The following ZCWPW2 variants were observed in gnomAD, a reference collection of about 807,000 sequenced individuals.
ZCWPW2 encodes zinc finger CW-type and PWWP domain containing 2.
ZCWPW2 carries 45 observed loss-of-function variants against 46.6 expected under a neutral mutation model. The observed-to-expected ratio is 0.96, with a 90% CI of 0.76 to 1.24. ZCWPW2 has a LOEUF of 1.24. Among genes scored for constraint, ZCWPW2 ranks in the 50% most tolerant of loss-of-function variants. ZCWPW2 has a pLI of 0.00. For synonymous variants in ZCWPW2, 152 were observed against 137.1 expected (o/e 1.11, Z -0.76); for missense variants, 429 against 403.9 (o/e 1.06, Z -0.53).
chr3:28,422,291 CAA>C (rs1262506135), intron 3 of ZCWPW2, among the ~76,000 whole-genome samples: 2 of 151,984 alleles, frequency 1.3e-5, no homozygotes, highest in Non-Finnish European at 2.9e-5. Context: ...TGAATTTTGA[CAA>C]ATGTATAATG....
chr3:28,402,071 A>G (rs1695965817), intron 2 of ZCWPW2, among the ~76,000 whole-genome samples: 1 of 151,920 alleles, frequency 6.6e-6, no homozygotes, highest in Non-Finnish European at 1.5e-5. Flanking sequence ...AACCAAGATC[A>G]GAGCAGAACT....
chr3:28,520,281 C>T (rs1700689092), intron 8 of ZCWPW2, among the ~76,000 whole-genome samples: 1 of 152,020 alleles, frequency 6.6e-6, no homozygotes, highest in South Asian at 2.1e-4. Flanking sequence ...GGATTACAGG[C>T]GTAAGCATGT....
intron 6 of ZCWPW2, among the ~76,000 whole-genome samples, chr3:28,509,506 T>A (rs1373648976): frequency 1.3e-5 from 2 of 152,134 alleles, no homozygotes; most frequent in African/African-American, 2.4e-5. Flanking sequence ...GTCTATTTTT[T>A]AAAAAAATAT....
At chr3:28,367,622 T>G (rs1705170388) in intron 1 of ZCWPW2, among the ~76,000 whole-genome samples, 1 of 152,206 alleles carries the variant, frequency 6.6e-6, no homozygotes, top group African/African-American at 2.4e-5. Flanking sequence ...GTATATTCTG[T>G]TGATTTGGGG....
chr3:28,448,775 ACT>A (rs1698101233), intron 4 of ZCWPW2, among the ~76,000 whole-genome samples: 1 of 102,422 alleles, frequency 9.8e-6, no homozygotes, highest in Non-Finnish European at 2.0e-5. Flanking sequence ...ACCAAGTGAG[ACT>A]CTGTCTCAAA....
intron 8 of ZCWPW2, 108 bp downstream of exon 8, chr3:28,515,729 G>GTCCACAGAA (rs1559536604): frequency 2.5e-6 from 2 of 788,600 alleles, no homozygotes; most frequent in African/African-American, 3.5e-5. Flanking sequence ...GTGTGTGTGT[G>GTCCACAGAA]TGTGTGTGTG....
At chr3:28,507,840 G>A (rs1700319320) in intron 6 of ZCWPW2, among the ~76,000 whole-genome samples, 1 of 151,852 alleles carries the variant, frequency 6.6e-6, no homozygotes, top group Non-Finnish European at 1.5e-5. Flanking sequence ...ATTATTTTTT[G>A]AGAGGTAAAT....
At position 28,376,372 on chromosome 3, in the gene ZCWPW2, G is replaced by T. The variant is rs141896182; in HGVS notation, c.-133-14126G>T. Reference sequence around the variant, plus strand: ...CATTTTGACTTTTAATTATTGTATTGACATATTTTTATATTACCCATATCT... The same window carrying T: ...CATTTTGACTTTTAATTATTGTATTTACATATTTTTATATTACCCATATCT... On this transcript the variant is annotated intron_variant, in intron 1 of 9. Transcript: ENST00000383768. Among the ~76,000 whole-genome samples the T allele has an allele frequency of 2.5e-3, 386 of 152,104 alleles. 1 individual carries two copies. The highest frequency in any genetic ancestry group is 8.4e-3 in the African/African-American group (350 of 41,496).
intron 1 of ZCWPW2, among the ~76,000 whole-genome samples, chr3:28,379,535 A>T (rs1269506135): frequency 6.6e-6 from 1 of 152,196 alleles, no homozygotes; most frequent in Non-Finnish European, 1.5e-5. Context: ...CCTTTATAAA[A>T]TAAATATCTT....
At chr3:28,503,986 C>G (rs75344935) in intron 6 of ZCWPW2, among the ~76,000 whole-genome samples, 4,431 of 151,888 alleles carry the variant, frequency 0.029, 195 homozygotes, top group African/African-American at 0.095. Context: ...GCTTGAGCCC[C>G]GGAGTTCAAG....
intron 4 of ZCWPW2, among the ~76,000 whole-genome samples, chr3:28,458,846 G>A (rs1283454646): frequency 3.3e-5 from 5 of 152,112 alleles, no homozygotes; most frequent in Non-Finnish European, 7.4e-5. Context: ...CATGCTTAGC[G>A]CATTGATTTC....
chr3:28,516,839 T>G (rs1386911332), intron 8 of ZCWPW2, among the ~76,000 whole-genome samples: 1 of 150,700 alleles, frequency 6.6e-6, no homozygotes, highest in African/African-American at 2.5e-5. Context: ...AGACCTCATC[T>G]CTACTAAAAT....
chr3:28,456,536 A>G (rs1451000549), intron 4 of ZCWPW2, among the ~76,000 whole-genome samples: 1 of 152,102 alleles, frequency 6.6e-6, no homozygotes, highest in Admixed American at 6.5e-5. Context: ...GAGAGAGGCA[A>G]TCCTTATCTT....
At chr3:28,422,773 G>A (rs9682725) in intron 3 of ZCWPW2, among the ~76,000 whole-genome samples, 3,114 of 152,164 alleles carry the variant, frequency 0.02, 105 homozygotes, top group African/African-American at 0.062. Context: ...GAGTATGTGT[G>A]TGTGTGTGTG....
intron 1 of ZCWPW2, among the ~76,000 whole-genome samples, chr3:28,382,674 TA>T (rs1559481574): frequency 6.6e-6 from 1 of 152,062 alleles, no homozygotes; most frequent in Non-Finnish European, 1.5e-5. Flanking sequence ...TCTAGTTTAA[TA>T]AAAGAGAAAA....
Position 28,508,354 on chromosome 3 carries a change from T to C in ZCWPW2, c.658-5710T>C, listed in dbSNP as rs765824189. Among the ~76,000 whole-genome samples, 6 of 152,236 alleles carry C rather than the reference T, an allele frequency of 3.9e-5. No homozygotes were observed. In the South Asian group the frequency reaches 1.2e-3, roughly 32 times the overall value. On this transcript the variant is annotated intron_variant, in intron 6 of 9. Coordinates refer to ENST00000383768, the MANE Select transcript of ZCWPW2 (RefSeq NM_001040432.4). ...GGTCAAGACAATTATATTTTCTGAG[T>C]TAATTTTTTTTTAGCATTTGGTAAT...
intron 1 of ZCWPW2, among the ~76,000 whole-genome samples, chr3:28,375,686 G>A (rs564015462): frequency 6.6e-6 from 1 of 151,168 alleles, no homozygotes; most frequent in East Asian, 1.9e-4. Flanking sequence ...GTTTATTATT[G>A]ACTATAGTCA....
chr3:28,513,210 T>C (rs149526154), intron 6 of ZCWPW2, among the ~76,000 whole-genome samples: 8 of 152,346 alleles, frequency 5.3e-5, no homozygotes, highest in African/African-American at 1.9e-4. Flanking sequence ...CTATATGCTC[T>C]TAATACTTGT....
At chr3:28,500,499 A>G (rs959262757) in intron 6 of ZCWPW2, among the ~76,000 whole-genome samples, 1 of 152,106 alleles carries the variant, frequency 6.6e-6, no homozygotes, top group South Asian at 2.1e-4. Flanking sequence ...ACACTTATTA[A>G]TGCCAATAAT....
Sources: allele counts gnomAD v4.1 joint callset (sites outside exome capture counted in the v4.1 genomes callset), GRCh38; gene constraint gnomAD v4.1.1; transcripts MANE v1.5; gene names NCBI Gene and HGNC (gene_info 2026-07-23, HGNC 2026-07-21).